The following MYO1D variants were observed in gnomAD, a reference collection of about 807,000 sequenced individuals.
MYO1D encodes the protein myosin ID.
In MYO1D, 83 loss-of-function variants were observed where a neutral mutation model predicts 122.0. The observed-to-expected ratio is 0.68, with a 90% CI of 0.57 to 0.82. MYO1D has a LOEUF of 0.82. Ranked by LOEUF, MYO1D falls within the 40% of genes least tolerant of loss-of-function variation. The pLI is 0.00. For missense variants in MYO1D, 1,157 were observed against 1,269.5 expected (o/e 0.91, Z 1.35); for synonymous variants, 464 against 446.9 (o/e 1.04, Z -0.48).
chr17:32,627,553 T>A (rs1198523398), intron 20 of MYO1D, among the ~76,000 whole-genome samples: 1 of 152,160 alleles, frequency 6.6e-6, no homozygotes, highest in East Asian at 1.9e-4. Context: ...TACAGTCCAT[T>A]TACCTTTACA....
At chr17:32,701,846 G>A (rs982722973) in intron 16 of MYO1D, among the ~76,000 whole-genome samples, 3 of 152,150 alleles carry the variant, frequency 2.0e-5, no homozygotes, top group Non-Finnish European at 4.4e-5. Flanking sequence ...GGATTACAGG[G>A]GTGAACCCCC....
At chr17:32,797,956 C>T (rs2090432376) in intron 1 of MYO1D, among the ~76,000 whole-genome samples, 1 of 152,060 alleles carries the variant, frequency 6.6e-6, no homozygotes, top group Admixed American at 6.5e-5. Context: ...CTTCTAAAGC[C>T]CTCTTTTGTT....
intron 1 of MYO1D, among the ~76,000 whole-genome samples, chr17:32,821,149 G>C (rs921499382): frequency 1.3e-5 from 2 of 152,092 alleles, no homozygotes; most frequent in African/African-American, 4.8e-5. Flanking sequence ...TCCTGTGTTA[G>C]TCTGCTAAGG....
At chr17:32,839,483 C>T (rs2090857363) in intron 1 of MYO1D, among the ~76,000 whole-genome samples, 1 of 152,142 alleles carries the variant, frequency 6.6e-6, no homozygotes, top group African/African-American at 2.4e-5. Flanking sequence ...TTGCGTGTGG[C>T]TTTAATCAGT....
At position 32,748,947 on chromosome 17, in the gene MYO1D, T is replaced by C; in HGVS notation, c.1527A>G (p.Ala509=). The C allele has an allele frequency of 6.2e-7, 1 of 1,613,480 alleles. No homozygotes were observed. Among genetic ancestry groups the C allele is most frequent in the Non-Finnish European group, 8.5e-7 (1 of 1,179,400 alleles). Residue 509 remains alanine, a synonymous_variant, in exon 12 of 22, where the codon GCA becomes GCG. Transcript: ENST00000318217. The part of the protein sequence containing the change: ...FDRDFRIRHY[A]GDVVYSVIGF... ...GGTAAGATACTCACACTACATCGCCTGCATAATGTCGAATTCGAAAATCTC... is the reference window on the plus strand; with the variant it reads ...GGTAAGATACTCACACTACATCGCCCGCATAATGTCGAATTCGAAAATCTC...
chr17:32,549,033 T>G (rs1318932460), intron 21 of MYO1D, among the ~76,000 whole-genome samples: 2 of 152,194 alleles, frequency 1.3e-5, no homozygotes, highest in Non-Finnish European at 2.9e-5. Context: ...TATTTTTATA[T>G]ATATCTGTAT....
At chr17:32,617,709 G>A (rs1173010647) in intron 20 of MYO1D, among the ~76,000 whole-genome samples, 2 of 152,194 alleles carry the variant, frequency 1.3e-5, no homozygotes, top group African/African-American at 2.4e-5. Flanking sequence ...CCAAAGTGCT[G>A]GGATTACAGG....
intron 19 of MYO1D, among the ~76,000 whole-genome samples, chr17:32,642,987 C>T (rs962590763): frequency 6.6e-6 from 1 of 152,186 alleles, no homozygotes; most frequent in Non-Finnish European, 1.5e-5. Flanking sequence ...GAGAGGGCAT[C>T]CCTGTCTTGT....
chr17:32,601,812 A>G (rs2087565905), intron 21 of MYO1D, among the ~76,000 whole-genome samples: 1 of 152,290 alleles, frequency 6.6e-6, no homozygotes, highest in South Asian at 2.1e-4. Flanking sequence ...TGTCAAGAAC[A>G]GTAAGACGAG....
intron 1 of MYO1D, among the ~76,000 whole-genome samples, chr17:32,852,347 G>A (rs200768080): frequency 2.0e-5 from 3 of 151,990 alleles, no homozygotes; most frequent in African/African-American, 7.2e-5. Context: ...GGCTGGTCTC[G>A]AACTCCTGAC....
At chr17:32,641,407 T>C (rs2088198917) in intron 19 of MYO1D, among the ~76,000 whole-genome samples, 1 of 152,300 alleles carries the variant, frequency 6.6e-6, no homozygotes, top group Admixed American at 6.5e-5. Flanking sequence ...CGTGTGCATG[T>C]GTCTTTATAG....
chr17:32,690,216 T>C (rs1281827579), intron 16 of MYO1D, among the ~76,000 whole-genome samples: 3 of 150,586 alleles, frequency 2.0e-5, no homozygotes, highest in African/African-American at 7.4e-5. Flanking sequence ...GGAGTCTTGC[T>C]CTGTCATCCC....
intron 21 of MYO1D, among the ~76,000 whole-genome samples, chr17:32,579,875 A>G (rs2087314260): frequency 6.6e-6 from 1 of 152,238 alleles, no homozygotes; most frequent in African/African-American, 2.4e-5. Flanking sequence ...CAGTTTGCTT[A>G]TCCATCTTCC....
At chr17:32,797,251 A>G (rs552828347) in intron 1 of MYO1D, among the ~76,000 whole-genome samples, 3 of 152,318 alleles carry the variant, frequency 2.0e-5, no homozygotes, top group East Asian at 3.9e-4. Flanking sequence ...TTACAGGCGT[A>G]AGCCATCACA....
chr17:32,660,596 G>T (rs1453522209), intron 16 of MYO1D, among the ~76,000 whole-genome samples: 1 of 152,174 alleles, frequency 6.6e-6, no homozygotes, highest in Non-Finnish European at 1.5e-5. Context: ...ATCATCAAGG[G>T]ACCCCAATGG....
At chr17:32,847,390 C>T (rs1185632127) in intron 1 of MYO1D, among the ~76,000 whole-genome samples, 2 of 152,166 alleles carry the variant, frequency 1.3e-5, no homozygotes, top group African/African-American at 4.8e-5. Context: ...AAATCACTGG[C>T]CCTAAGCAGA....
At chr17:32,655,610 G>A (rs992583154) in intron 17 of MYO1D, among the ~76,000 whole-genome samples, 6 of 152,158 alleles carry the variant, frequency 3.9e-5, no homozygotes, top group Admixed American at 3.3e-4. Context: ...CAAAGGCTCC[G>A]GGATGTGAGC....
chr17:32,658,299 A>G (rs1178308437), intron 17 of MYO1D, among the ~76,000 whole-genome samples: 2 of 152,220 alleles, frequency 1.3e-5, no homozygotes, highest in Non-Finnish European at 2.9e-5. Context: ...TACATTCAGC[A>G]TATCAATTAG....
At chr17:32,765,340 A>G (rs1455675799) in intron 7 of MYO1D, among the ~76,000 whole-genome samples, 1 of 152,136 alleles carries the variant, frequency 6.6e-6, no homozygotes, top group East Asian at 1.9e-4. Context: ...CTTTTGCCTT[A>G]GGGTCTCTCT....
Sources: gnomAD v4.1 joint callset for allele counts (sites outside exome capture counted in the v4.1 genomes callset) on GRCh38, gnomAD v4.1.1 for gene constraint, MANE v1.5 for transcripts, NCBI Gene and HGNC (gene_info 2026-07-23, HGNC 2026-07-21) for gene names.